The following SEMA3A variants were observed in gnomAD, a reference collection of about 807,000 sequenced individuals.
The protein encoded by SEMA3A is semaphorin-3A.
Under a neutral mutation model 97.9 loss-of-function variants are expected in SEMA3A, and 29 were observed. The observed-to-expected ratio is 0.30, with a 90% CI of 0.22 to 0.40. The LOEUF is 0.40. Among genes scored for constraint, SEMA3A ranks in the 10% least tolerant of loss-of-function variants. The pLI, the probability that SEMA3A is intolerant of heterozygous loss-of-function variation, is 1.00. For missense variants in SEMA3A, 763 were observed against 951.3 expected, an observed-to-expected ratio of 0.80 and a Z score of 2.60; for synonymous variants, 321 against 323.7, an observed-to-expected ratio of 0.99 and a Z score of 0.09.
intron 3 of SEMA3A, among the ~76,000 whole-genome samples, chr7:84,228,407 T>G (rs1799041531): frequency 6.6e-6 from 1 of 152,092 alleles, no homozygotes; most frequent in Non-Finnish European, 1.5e-5. Flanking sequence ...TACCTCATTA[T>G]AAACATTAAA....
At chr7:84,329,016 C>A (rs544373735) in intron 2 of SEMA3A, among the ~76,000 whole-genome samples, 1 of 151,702 alleles carries the variant, frequency 6.6e-6, no homozygotes, top group African/African-American at 2.4e-5. Flanking sequence ...ATGTGCAGAA[C>A]GTGCAGGTTT....
intron 1 of SEMA3A, among the ~76,000 whole-genome samples, chr7:84,430,667 C>G (rs1231448100): frequency 6.6e-6 from 1 of 151,690 alleles, no homozygotes; most frequent in Admixed American, 6.6e-5. Flanking sequence ...AAGTAGGGTT[C>G]GTGGGATGAA....
chr7:84,228,422 G>A (rs1799041871), intron 3 of SEMA3A, among the ~76,000 whole-genome samples: 1 of 151,956 alleles, frequency 6.6e-6, no homozygotes, highest in Non-Finnish European at 1.5e-5. Flanking sequence ...ATTAAAAATA[G>A]ACTATATATA....
chr7:84,087,399 C>T (rs1480950938), intron 4 of SEMA3A, among the ~76,000 whole-genome samples: 31 of 152,158 alleles, frequency 2.0e-4, no homozygotes, highest in Admixed American at 2.0e-3. Flanking sequence ...TTCATTTCTA[C>T]AGCATTTGTT....
At chr7:83,977,367 A>C (rs1789195216) in intron 14 of SEMA3A, among the ~76,000 whole-genome samples, 171 bp from the exon 15 acceptor site, 1 of 152,118 alleles carries the variant, frequency 6.6e-6, no homozygotes, top group Admixed American at 6.5e-5. Flanking sequence ...AAAACAGTTC[A>C]TTATACCTGT....
chr7:84,037,145 A>C (rs1791967963), intron 6 of SEMA3A, among the ~76,000 whole-genome samples: 1 of 144,180 alleles, frequency 6.9e-6, no homozygotes, highest in South Asian at 2.3e-4. Context: ...CAAACAGCTA[A>C]GTTTTTTTTC....
intron 1 of SEMA3A, among the ~76,000 whole-genome samples, chr7:84,402,944 T>C (rs558826703): frequency 6.6e-6 from 1 of 152,032 alleles, no homozygotes; most frequent in African/African-American, 2.4e-5. Context: ...CAGGTTGGTT[T>C]ACAAAAATAC....
intron 1 of SEMA3A, among the ~76,000 whole-genome samples, chr7:84,164,293 T>C (rs923693185): frequency 1.3e-5 from 2 of 152,326 alleles, no homozygotes; most frequent in African/African-American, 4.8e-5. Flanking sequence ...CCTAAATTGT[T>C]ACTAAAATAG....
At chr7:84,061,226 C>A (rs753389668) in intron 4 of SEMA3A, among the ~76,000 whole-genome samples, 7 of 152,106 alleles carry the variant, frequency 4.6e-5, no homozygotes, top group South Asian at 2.1e-4. Context: ...CACATTATTA[C>A]CACGGGAAAG....
chr7:84,111,083 C>A (rs1435231754), intron 3 of SEMA3A, among the ~76,000 whole-genome samples: 1 of 152,050 alleles, frequency 6.6e-6, no homozygotes, highest in Non-Finnish European at 1.5e-5. Context: ...CATTAGTAAC[C>A]CATTTTGGAA....
At chr7:83,986,942 TTCCTC>T (rs934933768) in intron 12 of SEMA3A, among the ~76,000 whole-genome samples, 15 of 148,098 alleles carry the variant, frequency 1.0e-4, no homozygotes, top group South Asian at 4.2e-4. Flanking sequence ...AAATCTCTCT[TTCCTC>T]TCTTCTCTCA....
chr7:84,321,904 A>G (rs941847491), intron 2 of SEMA3A, among the ~76,000 whole-genome samples: 2 of 147,240 alleles, frequency 1.4e-5, no homozygotes, highest in Non-Finnish European at 3.0e-5. Context: ...AAAAAAGAAG[A>G]AGAAGAAGGA....
At chr7:84,309,101 A>G (rs1801247793) in intron 2 of SEMA3A, among the ~76,000 whole-genome samples, 1 of 152,134 alleles carries the variant, frequency 6.6e-6, no homozygotes, top group African/African-American at 2.4e-5. Flanking sequence ...TACAGGCGTG[A>G]GCTACCACGC....
intron 1 of SEMA3A, among the ~76,000 whole-genome samples, chr7:84,473,898 G>T (rs1436684881): frequency 6.6e-6 from 1 of 152,132 alleles, no homozygotes; most frequent in South Asian, 2.1e-4. Context: ...ATGAGTTATA[G>T]TTCTATTTTC....
At chr7:84,030,060 T>G (rs1308194604) in intron 6 of SEMA3A, among the ~76,000 whole-genome samples, 1 of 152,136 alleles carries the variant, frequency 6.6e-6, no homozygotes, top group Non-Finnish European at 1.5e-5. Context: ...CCTCTCAGTG[T>G]GGCTCATGTT....
At chr7:83,987,513 T>C (rs991438508) in intron 12 of SEMA3A, among the ~76,000 whole-genome samples, 1 of 152,144 alleles carries the variant, frequency 6.6e-6, no homozygotes, top group Non-Finnish European at 1.5e-5. Flanking sequence ...TGAAAGGATG[T>C]GAGGAGGCAG....
intron 4 of SEMA3A, among the ~76,000 whole-genome samples, chr7:84,106,877 A>C (rs2115924796): frequency 6.6e-6 from 1 of 152,330 alleles, no homozygotes; most frequent in South Asian, 2.1e-4. Context: ...TGAAAGTCTT[A>C]ATAAAAACAA....
intron 4 of SEMA3A, among the ~76,000 whole-genome samples, chr7:84,088,422 C>G (rs565010064): frequency 1.4e-4 from 21 of 151,966 alleles, no homozygotes; most frequent in African/African-American, 4.8e-4. Flanking sequence ...CCACTGCACT[C>G]CAGCCTGGGC....
chr7:84,157,918 C>T (rs1796896469), intron 1 of SEMA3A, among the ~76,000 whole-genome samples: 1 of 152,126 alleles, frequency 6.6e-6, no homozygotes, highest in African/African-American at 2.4e-5. Flanking sequence ...TACCATGTTT[C>T]CCTTTACATG....
Sources: allele counts gnomAD v4.1 joint callset (sites outside exome capture counted in the v4.1 genomes callset), GRCh38; gene constraint gnomAD v4.1.1; transcripts MANE v1.5; gene names NCBI Gene and HGNC (gene_info 2026-07-23, HGNC 2026-07-21).